Variants in FRY observed in about 807,000 individuals in gnomAD.
FRY encodes FRY microtubule binding protein, also known as protein furry homolog.
In FRY, 128 loss-of-function variants were observed where a neutral mutation model predicts 348.4. The ratio of observed to expected loss-of-function variants is 0.37; its 90% CI spans 0.32 to 0.43. The LOEUF is 0.43. FRY is among the 20% of genes least tolerant of loss of function. The probability of loss-of-function intolerance (pLI) is 1.00; values close to 1 mark genes in which losing one functional copy is unlikely to be tolerated. For synonymous variants in FRY, 1,370 were observed against 1,374.7 expected, an observed-to-expected ratio of 1.00 and a Z score of 0.08; for missense variants, 2,736 against 3,695.2, an observed-to-expected ratio of 0.74 and a Z score of 6.73.
In FRY at chr13:32,246,061, T is replaced by C. The variant is rs188165855; in HGVS notation, c.6829-1262T>C. ...GTCAGTTAACAGTTTCTCACTTCAC[T>C]CACAGGAGACAGGTGGTCAGTTGAC... On this transcript the variant is annotated intron_variant, in intron 47 of 60. Coordinates refer to ENST00000542859, the MANE Select transcript of FRY (RefSeq NM_023037.3). Among the ~76,000 whole-genome samples the C allele has an allele frequency of 1.1e-3, 166 of 152,362 alleles. 2 individuals are homozygous for C. Among genetic ancestry groups the C allele is most frequent in the African/African-American group, 3.8e-3 (160 of 41,582 alleles).
intron 14 of FRY, 76 bp downstream of exon 14, chr13:32,149,910 A>C: frequency 2.3e-6 from 2 of 879,348 alleles, no homozygotes; most frequent in Non-Finnish European, 3.9e-6. Context: ...GGCTTTGGAG[A>C]ATGGGATGAG....
At chr13:32,071,694 C>CA (rs1395118107) in intron 1 of FRY, among the ~76,000 whole-genome samples, 1 of 151,928 alleles carries the variant, frequency 6.6e-6, no homozygotes, top group African/African-American at 2.4e-5. Context: ...TCATGGAATC[C>CA]AAACGTAGAA....
Position 32,161,169 on chromosome 13 carries a change from CT to C in FRY, c.1814del (p.Phe605SerfsTer70), listed in dbSNP as rs1881423385. On this transcript the variant is annotated frameshift_variant, in exon 17 of 61. Transcript: ENST00000542859. LOFTEE classifies it high-confidence loss of function. ...ITGERKPKID[L>X]FRTCVAAIPR... is the part of the protein sequence containing the mutation. ...GGGTGAGAGAAAGCCAAAAATAGAT[CT>C]TTTCAGGACCTGTGTTGCTGCTATT... is the stretch of plus-strand genomic sequence containing the variant. 1 of 1,612,664 alleles carries C rather than the reference CT, an allele frequency of 6.2e-7. No individual in the cohort carries two copies. The highest frequency in any genetic ancestry group is 8.5e-7 in the Non-Finnish European group (1 of 1,178,778).
chr13:32,060,278 T>C (rs1284955260), intron 1 of FRY, among the ~76,000 whole-genome samples: 1 of 152,224 alleles, frequency 6.6e-6, no homozygotes, highest in Non-Finnish European at 1.5e-5. Flanking sequence ...AACCTAAACC[T>C]GTTTTCTTTT....
chr13:32,248,392 A>G (rs1190730905), intron 48 of FRY, among the ~76,000 whole-genome samples: 1 of 152,130 alleles, frequency 6.6e-6, no homozygotes, highest in Non-Finnish European at 1.5e-5. Context: ...CGGGGTGGGG[A>G]ACAAGGGGAG....
chr13:32,155,767 T>C (rs1378368411), intron 15 of FRY, 105 bp downstream of exon 15: 7 of 723,444 alleles, frequency 9.7e-6, no homozygotes, highest in Non-Finnish European at 1.6e-5. Flanking sequence ...TTTATAGAAG[T>C]AGATGATAAG....
At chr13:32,141,287 T>C (rs1390261054) in intron 11 of FRY, among the ~76,000 whole-genome samples, 1 of 152,186 alleles carries the variant, frequency 6.6e-6, no homozygotes, top group Non-Finnish European at 1.5e-5. Flanking sequence ...TTGGATAATA[T>C]ACAGTCATCA....
At position 32,208,975 on chromosome 13, in the gene FRY, C is replaced by G. The variant is rs1385108114; in HGVS notation, c.4141C>G (p.Pro1381Ala). 1.9e-6 allele frequency: 3 copies of G among 1,613,988 alleles called. No individual in the cohort carries two copies. The African/African-American group carries it at 4.0e-5, about 22-fold the overall frequency. ...CAGGCTCCTCCTCCCGGGGTCGAGC[C>G]CCAGCAGCCCAGAGGACGAAGTCAA... The part of the protein sequence containing the change: ...DSRLLLPGSS[P>A]SSPEDEVKDR... Residue 1381 changes from proline to alanine, a missense_variant, in exon 32 of 61, where the codon CCC becomes GCC. Physicochemically the swap from Pro to Ala is conservative, Grantham distance 27. Transcript: ENST00000542859.
At chr13:32,128,235 C>G (rs1033926509) in intron 7 of FRY, among the ~76,000 whole-genome samples, 1 of 152,152 alleles carries the variant, frequency 6.6e-6, no homozygotes, top group Non-Finnish European at 1.5e-5. Context: ...CTGAAATCCT[C>G]TCTAATTAAT....
At chr13:32,184,869 A>G (rs1031273816) in intron 25 of FRY, 107 bp from the exon 26 acceptor site, 5 of 1,130,628 alleles carry the variant, frequency 4.4e-6, no homozygotes, top group Non-Finnish European at 6.7e-6. Flanking sequence ...TAGGTTAGGA[A>G]CAACTTTAGT....
At chr13:32,095,365 T>TTTTTTTC (rs1876625244) in intron 2 of FRY, among the ~76,000 whole-genome samples, 1 of 86,638 alleles carries the variant, frequency 1.2e-5, no homozygotes, top group Non-Finnish European at 2.3e-5. Flanking sequence ...TTTTTTTTTT[T>TTTTTTTC]GAGACGGAGT....
intron 1 of FRY, among the ~76,000 whole-genome samples, chr13:32,067,178 C>T (rs1158176221): frequency 6.6e-6 from 1 of 152,162 alleles, no homozygotes; most frequent in African/African-American, 2.4e-5. Flanking sequence ...CCTGCCATGC[C>T]ATTCCATTTG....
chr13:32,106,002 A>T (rs765365342), intron 3 of FRY, among the ~76,000 whole-genome samples: 12 of 150,352 alleles, frequency 8.0e-5, no homozygotes, highest in Admixed American at 2.7e-4. Flanking sequence ...ATCTCACCTG[A>T]CATCACTCAG....
At chr13:32,056,456 G>C (rs1302475165) in intron 1 of FRY, among the ~76,000 whole-genome samples, 2 of 152,094 alleles carry the variant, frequency 1.3e-5, no homozygotes, top group African/African-American at 4.8e-5. Context: ...TGACATGCTT[G>C]GCAAATGCTA....
intron 58 of FRY, among the ~76,000 whole-genome samples, chr13:32,286,836 C>G (rs1889092946): frequency 7.2e-6 from 1 of 139,036 alleles, no homozygotes. Context: ...TTATTTTAGA[C>G]TAACTATTAG....
At chr13:32,192,457 C>T (rs552132615) in intron 28 of FRY, among the ~76,000 whole-genome samples, 73 of 152,102 alleles carry the variant, frequency 4.8e-4, no homozygotes, top group South Asian at 1.0e-3. Context: ...GGACTACAGG[C>T]GCCCGCCACC....
intron 1 of FRY, among the ~76,000 whole-genome samples, chr13:32,066,499 A>G (rs1874269834): frequency 6.6e-6 from 1 of 152,202 alleles, no homozygotes; most frequent in Admixed American, 6.5e-5. Flanking sequence ...ATATTGCCAC[A>G]GGTTGGGGAT....
rs372371494 is a variant in FRY at position 32,071,271 on chromosome 13, G to A, written c.71-7563G>A. 9.2e-5 allele frequency among the ~76,000 whole-genome samples: 14 copies of A among 152,192 alleles called. No individual in the cohort carries two copies. The East Asian group carries it at 2.7e-3, about 29-fold the overall frequency. ...AGGAAACTCATTGGTAGCTTGATGG[G>A]GATGGCATTGAATCTATAAATTACC... On this transcript the variant is annotated intron_variant, in intron 1 of 60. Coordinates refer to ENST00000542859, the MANE Select transcript of FRY (RefSeq NM_023037.3).
chr13:32,170,865 GT>G (rs57981342), intron 17 of FRY, 146 bp from the exon 18 acceptor site: 60,182 of 671,444 alleles, frequency 0.09, 3,419 homozygotes, highest in African/African-American at 0.18. Context: ...AGGTATTTAT[GT>G]AAGTCATTTA....
Sources: allele counts gnomAD v4.1 joint callset (sites outside exome capture counted in the v4.1 genomes callset), GRCh38; gene constraint gnomAD v4.1.1; transcripts MANE v1.5; gene names NCBI Gene and HGNC (gene_info 2026-07-23, HGNC 2026-07-21).